The following BTBD2 variants were observed in gnomAD, a reference collection of about 807,000 sequenced individuals.
The protein encoded by BTBD2 is BTB domain containing 2.
In BTBD2, 15 loss-of-function variants were observed where a neutral mutation model predicts 44.0. The ratio of observed to expected loss-of-function variants is 0.34; its 90% CI spans 0.23 to 0.53. The LOEUF (loss-of-function observed/expected upper bound fraction) is 0.53, where lower values mean the gene tolerates loss of function less well. BTBD2 is among the 20% of genes least tolerant of loss of function. The pLI, the probability that BTBD2 is intolerant of heterozygous loss-of-function variation, is 0.95. For missense variants in BTBD2, 657 were observed against 746.4 expected (o/e 0.88, Z 1.39); for synonymous variants, 443 against 335.9 (o/e 1.32, Z -3.49).
At chr19:2,003,770 A>G (rs1379465715) in intron 1 of BTBD2, among the ~76,000 whole-genome samples, 1 of 114,694 alleles carries the variant, frequency 8.7e-6, no homozygotes, top group Non-Finnish European at 1.8e-5. Flanking sequence ...AAACTCCGTC[A>G]AAGAAAAAAA....
chr19:2,006,320 C>G (rs1056814688), intron 1 of BTBD2, among the ~76,000 whole-genome samples: 1 of 152,000 alleles, frequency 6.6e-6, no homozygotes, highest in Non-Finnish European at 1.5e-5. Flanking sequence ...GAGCACAAGA[C>G]CACAGAAAAA....
rs770164576 is a variant in BTBD2 at position 1,985,957 on chromosome 19, C to T, written c.*531G>A. On this transcript the variant is annotated 3_prime_UTR_variant, in exon 9 of 9. Coordinates refer to ENST00000255608, the MANE Select transcript of BTBD2 (RefSeq NM_017797.4). ...GCATCCAGGCAGTGGGAACGCCCCG[C>T]AGGCTGGGCTTGGGTGGCCTCGGGC... 1 of 156,630 alleles carries T rather than the reference C, an allele frequency of 6.4e-6. No homozygotes were observed. Among genetic ancestry groups the T allele is most frequent in the Non-Finnish European group, 1.4e-5 (1 of 70,844 alleles). The allele number at this position is 156,630 out of a possible 1,614,324, so 9.7% of individuals were successfully genotyped here.
At chr19:2,008,622 C>G (rs1293150880) in intron 1 of BTBD2, among the ~76,000 whole-genome samples, 1 of 132,234 alleles carries the variant, frequency 7.6e-6, no homozygotes, top group Non-Finnish European at 1.5e-5. Flanking sequence ...GACAGAGTCT[C>G]ACTCTATCGC....
At chr19:2,002,079 C>T (rs2016337186) in intron 1 of BTBD2, among the ~76,000 whole-genome samples, 1 of 151,848 alleles carries the variant, frequency 6.6e-6, no homozygotes, top group East Asian at 1.9e-4. Flanking sequence ...ATTTTTATTT[C>T]ATTTTTATTT....
intron 1 of BTBD2, among the ~76,000 whole-genome samples, chr19:2,012,813 G>T (rs2016483771): frequency 6.6e-6 from 1 of 152,158 alleles, no homozygotes; most frequent in Non-Finnish European, 1.5e-5. Flanking sequence ...GGTCCCTCAA[G>T]TGCAATCGCA....
rs756575059 is a variant in BTBD2 at position 1,987,578 on chromosome 19, C to A, written c.1103G>T (p.Arg368Leu). Residue 368 changes from arginine to leucine, a missense_variant, in exon 6 of 9, where the codon CGT becomes CTT. By Grantham distance (102) the Arg-to-Leu change is moderately radical. This residue lies in a region of BTBD2 where 449 missense variants were observed against 510.9 expected (regional missense o/e 0.88). Coordinates refer to ENST00000255608, the MANE Select transcript of BTBD2 (RefSeq NM_017797.4). Reference sequence around the variant, plus strand: ...GCGGTTGATGCTGCACTCCTTCCCACGCAGGCAGCAGCGGGGCCGGTCAAT... The same window carrying A: ...GCGGTTGATGCTGCACTCCTTCCCAAGCAGGCAGCAGCGGGGCCGGTCAAT... Reference protein sequence around the residue: ...EFIDRPRCCLRGKECSINRFQ... With the variant: ...EFIDRPRCCLLGKECSINRFQ... The A allele has an allele frequency of 6.2e-7, 1 of 1,612,372 alleles. No individual in the cohort carries two copies.
intron 1 of BTBD2, chr19:2,014,797 G>A: frequency 6.1e-6 from 1 of 163,372 alleles, no homozygotes. Flanking sequence ...AGGGACGGAG[G>A]AGAGCAGGGG....
intron 1 of BTBD2, among the ~76,000 whole-genome samples, chr19:2,006,881 A>G (rs2016401516): frequency 6.6e-6 from 1 of 150,850 alleles, no homozygotes; most frequent in Non-Finnish European, 1.5e-5. Flanking sequence ...TTTTTTTGAG[A>G]CGGTCTCACT....
chr19:2,001,522 A>G (rs1413879949), intron 1 of BTBD2, among the ~76,000 whole-genome samples: 2 of 152,322 alleles, frequency 1.3e-5, no homozygotes, highest in East Asian at 1.9e-4. Context: ...TTAAAGACCG[A>G]AAGAATTGTG....
At chr19:2,009,088 G>A (rs1047783628) in intron 1 of BTBD2, among the ~76,000 whole-genome samples, 1 of 150,936 alleles carries the variant, frequency 6.6e-6, no homozygotes, top group Non-Finnish European at 1.5e-5. Context: ...GCACAATCCT[G>A]GCTCACTGCA....
At position 1,986,497 on chromosome 19, in the gene BTBD2, G is replaced by T; in HGVS notation, c.1569C>A (p.Phe523Leu). The T allele has an allele frequency of 6.2e-7, 1 of 1,613,868 alleles. No individual in the cohort carries two copies. The highest frequency in any genetic ancestry group is 8.5e-7 in the Non-Finnish European group (1 of 1,179,878). Reference sequence around the variant, plus strand: ...GTCGGTGTCGGGCAGCCTAGGTGTAGAAGATGACCTCGGGGATCTGGCCGT... The same window carrying T: ...GTCGGTGTCGGGCAGCCTAGGTGTATAAGATGACCTCGGGGATCTGGCCGT... ...VEDGQIPEVI[F>L]YT The change falls in exon 9 of 9, where the codon TTC (phenylalanine) becomes TTA (leucine). Residue 523 changes from phenylalanine (F) to leucine (L), a missense_variant. By Grantham distance (22) the Phe-to-Leu change is conservative. Transcript: ENST00000255608.
At chr19:2,008,589 C>CTTTTTTTTTTTTTTTTTTTTT (rs34228593) in intron 1 of BTBD2, among the ~76,000 whole-genome samples, 1 of 126,596 alleles carries the variant, frequency 7.9e-6, no homozygotes, top group African/African-American at 3.1e-5. Context: ...CTGTGCCCAG[C>CTTTTTTTTTTTTTTTTTTTTT]TTTTTTTTTT....
chr19:2,007,364 C>T (rs549460767), intron 1 of BTBD2, among the ~76,000 whole-genome samples: 17 of 152,284 alleles, frequency 1.1e-4, no homozygotes, highest in African/African-American at 1.7e-4. Context: ...TGTGCTGCTA[C>T]GGCAGAATTA....
In BTBD2 at chr19:1,997,836, A is replaced by G. The variant is rs1361517045; in HGVS notation, c.408-373T>C. Among the ~76,000 whole-genome samples, 3 of 152,342 alleles carry G rather than the reference A, an allele frequency of 2.0e-5. No homozygotes were observed. The East Asian group carries it at 5.8e-4, about 29-fold the overall frequency. On this transcript the variant is annotated intron_variant, in intron 1 of 8. Transcript: ENST00000255608. ...CACACATGCATTCACACATACGTTCATTCATGCATGCATTCACTCGCTCAT... is the reference window on the plus strand; with the variant it reads ...CACACATGCATTCACACATACGTTCGTTCATGCATGCATTCACTCGCTCAT...
intron 1 of BTBD2, among the ~76,000 whole-genome samples, chr19:1,998,345 A>G (rs536580564): frequency 2.0e-5 from 3 of 152,324 alleles, no homozygotes; most frequent in South Asian, 4.1e-4. Context: ...TCAGGAACGC[A>G]AGGCCCAGGG....
chr19:1,993,658 G>C (rs1037782304), intron 2 of BTBD2, among the ~76,000 whole-genome samples: 3 of 152,024 alleles, frequency 2.0e-5, no homozygotes, highest in Non-Finnish European at 4.4e-5. Context: ...CCAGCGAGGG[G>C]CCCACACGAC....
intron 1 of BTBD2, among the ~76,000 whole-genome samples, chr19:2,006,517 AAAAAG>A (rs2016396742): frequency 6.7e-6 from 1 of 149,568 alleles, no homozygotes. Context: ...AAAAAAAAAA[AAAAAG>A]AAAAGAAAAA....
rs79897310 is a variant in BTBD2, at chr19:2,006,509, A to T, written c.407+8788T>A. On this transcript the variant is annotated intron_variant, in intron 1 of 8. Coordinates refer to ENST00000255608, the MANE Select transcript of BTBD2 (RefSeq NM_017797.4). ...GCGACAGAGCGAGACTCCGTCTCAA[A>T]AAAAAAAAAAAAGAAAAGAAAAATC... Among the ~76,000 whole-genome samples the T allele has an allele frequency of 2.2e-3, 315 of 146,500 alleles. 4 individuals are homozygous for T. The highest frequency in any genetic ancestry group is 7.5e-3 in the African/African-American group (292 of 38,884).
chr19:1,999,940 T>G (rs1599355400), intron 1 of BTBD2, among the ~76,000 whole-genome samples: 4 of 133,372 alleles, frequency 3.0e-5, no homozygotes, highest in East Asian at 2.1e-4. Flanking sequence ...CCTGCTTGGG[T>G]GACAGAGCAA....
Sources: allele counts gnomAD v4.1 joint callset (sites outside exome capture counted in the v4.1 genomes callset), GRCh38; gene constraint gnomAD v4.1.1; regional missense constraint gnomAD v4.1.1; transcripts MANE v1.5; gene names NCBI Gene and HGNC (gene_info 2026-07-23, HGNC 2026-07-21).